Variants in RPRD1B observed in about 807,000 individuals in gnomAD.
RPRD1B encodes regulation of nuclear pre-mRNA domain containing 1B, also known as regulation of nuclear pre-mRNA domain-containing protein 1B.
A neutral mutation model predicts 41.5 loss-of-function variants in RPRD1B; 11 were observed. That is an observed-to-expected ratio of 0.27 (90% CI 0.17 to 0.44). RPRD1B has a LOEUF of 0.44. RPRD1B is among the 20% of genes least tolerant of loss of function. The probability of loss-of-function intolerance (pLI) is 1.00; values close to 1 mark genes in which losing one functional copy is unlikely to be tolerated. For synonymous variants in RPRD1B, 158 were observed against 155.6 expected (o/e 1.02, Z -0.12); for missense variants, 248 against 389.9 (o/e 0.64, Z 3.06).
Position 38,044,522 on chromosome 20 carries a change from C to T in RPRD1B, c.282-3826C>T, listed in dbSNP as rs563926919. On this transcript the variant is annotated intron_variant, in intron 2 of 6. Coordinates refer to ENST00000373433, the MANE Select transcript of RPRD1B (RefSeq NM_021215.4). ...CCAAGTAGCTGGGACTACAGGCGCCCGCCATGATGCCCGGCTAATTTTTTG... is the reference window on the plus strand; with the variant it reads ...CCAAGTAGCTGGGACTACAGGCGCCTGCCATGATGCCCGGCTAATTTTTTG... Among the ~76,000 whole-genome samples, 7 of 152,154 alleles carry T rather than the reference C, an allele frequency of 4.6e-5. No individual in the cohort carries two copies. The East Asian group carries it at 5.8e-4, about 13-fold the overall frequency.
At chr20:38,056,074 TAGAC>T (rs532636787) in intron 3 of RPRD1B, among the ~76,000 whole-genome samples, 10 of 152,138 alleles carry the variant, frequency 6.6e-5, no homozygotes, top group South Asian at 2.1e-4. Flanking sequence ...TTTTTTGTAA[TAGAC>T]AGAATCATTA....
In RPRD1B at chr20:38,040,421, T is replaced by C; in HGVS notation, c.152-14T>C. ...TTTGGTGTAAGTTAAATTCTTTTCT[T>C]TTCTTTTTTTCAGCCAAATCAAATA... On this transcript the variant is annotated splice_polypyrimidine_tract_variant and intron_variant, in intron 1 of 6. Coordinates refer to ENST00000373433, the MANE Select transcript of RPRD1B (RefSeq NM_021215.4). The C allele has an allele frequency of 6.4e-7, 1 of 1,573,874 alleles. No homozygotes were observed. The highest frequency in any genetic ancestry group is 8.6e-7 in the Non-Finnish European group (1 of 1,165,244).
chr20:38,083,358 T>A (rs1188447798), intron 6 of RPRD1B, among the ~76,000 whole-genome samples: 1 of 152,274 alleles, frequency 6.6e-6, no homozygotes, highest in African/African-American at 2.4e-5. Flanking sequence ...TTTATGAGCA[T>A]CTGTTAAATT....
intron 2 of RPRD1B, among the ~76,000 whole-genome samples, chr20:38,044,416 C>T (rs189133586): frequency 2.1e-3 from 304 of 148,222 alleles, no homozygotes; most frequent in African/African-American, 7.1e-3. Flanking sequence ...CTCTGTCGCC[C>T]AGGCTGGAGT....
chr20:38,046,118 A>G lies in RPRD1B; in HGVS notation c.282-2230A>G, dbSNP rs541862563. Among the ~76,000 whole-genome samples the G allele has an allele frequency of 3.9e-5, 6 of 152,350 alleles. No individual in the cohort carries two copies. In the South Asian group the frequency reaches 1.2e-3, roughly 32 times the overall value. ...ATGAACAAAGGCACATGCACATGAG[A>G]GAACAAATTCTGAGTAGCAAATACA... On this transcript the variant is annotated intron_variant, in intron 2 of 6. Transcript: ENST00000373433.
intron 2 of RPRD1B, among the ~76,000 whole-genome samples, chr20:38,044,111 C>T (rs1196292213): frequency 6.6e-6 from 1 of 152,164 alleles, no homozygotes; most frequent in Non-Finnish European, 1.5e-5. Context: ...GCTAAAGGAT[C>T]CAAAGCAGCA....
chr20:38,034,863 G>C (rs547029092), intron 1 of RPRD1B, among the ~76,000 whole-genome samples: 18 of 152,324 alleles, frequency 1.2e-4, no homozygotes, highest in South Asian at 4.1e-4. Context: ...TCTGCCAACT[G>C]CCTAGAATTT....
intron 6 of RPRD1B, among the ~76,000 whole-genome samples, chr20:38,078,212 C>G (rs1053847968): frequency 2.6e-5 from 4 of 151,724 alleles, no homozygotes; most frequent in Non-Finnish European, 1.5e-5. Context: ...GGCCTGGCCC[C>G]CTCCTGTGCC....
At chr20:38,052,758 T>G (rs1018832008) in intron 3 of RPRD1B, among the ~76,000 whole-genome samples, 12 of 147,684 alleles carry the variant, frequency 8.1e-5, no homozygotes, top group Non-Finnish European at 1.6e-4. Context: ...CGGTGTTTTT[T>G]TTTTTTTTTT....
At chr20:38,073,632 G>C (rs1014860921) in intron 6 of RPRD1B, among the ~76,000 whole-genome samples, 1 of 152,166 alleles carries the variant, frequency 6.6e-6, no homozygotes, top group African/African-American at 2.4e-5. Context: ...TTCAATATTA[G>C]GCCAGGCAGT....
At chr20:38,046,886 A>G (rs1050488560) in intron 2 of RPRD1B, among the ~76,000 whole-genome samples, 6 of 152,186 alleles carry the variant, frequency 3.9e-5, no homozygotes, top group African/African-American at 1.4e-4. Flanking sequence ...AAATGTTGGC[A>G]ATTTTGAACA....
At chr20:38,080,650 C>T (rs1021450711) in intron 6 of RPRD1B, among the ~76,000 whole-genome samples, 4 of 152,184 alleles carry the variant, frequency 2.6e-5, no homozygotes, top group South Asian at 2.1e-4. Context: ...CTCAGCCTTC[C>T]GGGTAGCTGG....
chr20:38,085,175 G>A (rs1387486493), intron 6 of RPRD1B, among the ~76,000 whole-genome samples: 1 of 152,164 alleles, frequency 6.6e-6, no homozygotes, highest in African/African-American at 2.4e-5. Flanking sequence ...CTCTGAAGAT[G>A]AGAGTGCTGG....
chr20:38,036,953 G>A (rs1416117210), intron 1 of RPRD1B, among the ~76,000 whole-genome samples: 1 of 152,126 alleles, frequency 6.6e-6, no homozygotes, highest in African/African-American at 2.4e-5. Flanking sequence ...GCTCTTCCAA[G>A]CATCAATACC....
At chr20:38,050,806 A>G (rs2074177528) in intron 3 of RPRD1B, among the ~76,000 whole-genome samples, 1 of 152,210 alleles carries the variant, frequency 6.6e-6, no homozygotes, top group Non-Finnish European at 1.5e-5. Context: ...TAATCTAAAG[A>G]TAATTTCTCT....
chr20:38,038,172 A>G (rs1568641165), intron 1 of RPRD1B, among the ~76,000 whole-genome samples: 1 of 152,240 alleles, frequency 6.6e-6, no homozygotes, highest in Non-Finnish European at 1.5e-5. Flanking sequence ...AAACTAGGTT[A>G]TTACCAGAAG....
At chr20:38,078,764 C>T (rs2036514335) in intron 6 of RPRD1B, among the ~76,000 whole-genome samples, 1 of 152,188 alleles carries the variant, frequency 6.6e-6, no homozygotes, top group South Asian at 2.1e-4. Context: ...GCTTGATGGA[C>T]TGACTGGACT....
At chr20:38,060,325 C>T (rs999356811) in intron 5 of RPRD1B, among the ~76,000 whole-genome samples, 2 of 152,192 alleles carry the variant, frequency 1.3e-5, no homozygotes, top group African/African-American at 2.4e-5. Context: ...CACCATTTTC[C>T]CACTCCAGTC....
chr20:38,092,093 G>A lies in RPRD1B; in HGVS notation c.*2218G>A. On this transcript the variant is annotated 3_prime_UTR_variant, in exon 7 of 7. Transcript: ENST00000373433. ...CCTTGTATGTATGAGGTGACTTGGT[G>A]GGTGGGGTGGGTGGTTTTTGTTTTT... 1.0e-5 allele frequency: 10 copies of A among 985,700 alleles called. No homozygotes were observed. Among genetic ancestry groups the A allele is most frequent in the Non-Finnish European group, 1.1e-5 (9 of 829,910 alleles). The allele number at this position is 985,700 out of a possible 1,614,324, so 61.1% of individuals were successfully genotyped here. A position where few individuals can be genotyped will look rare whatever the true frequency, so the allele number is the denominator to read the frequency against.
Sources: allele counts gnomAD v4.1 joint callset (sites outside exome capture counted in the v4.1 genomes callset), GRCh38; gene constraint gnomAD v4.1.1; transcripts MANE v1.5; gene names NCBI Gene and HGNC (gene_info 2026-07-23, HGNC 2026-07-21).